IMMP2L: variants seen among roughly 807,000 people sequenced by gnomAD.
IMMP2L encodes inner mitochondrial membrane peptidase subunit 2.
In IMMP2L, 18 loss-of-function variants were observed where a neutral mutation model predicts 19.3. The observed-to-expected ratio is 0.93, with a 90% CI of 0.64 to 1.38. IMMP2L has a LOEUF of 1.38. Ranked by LOEUF, IMMP2L falls within the 40% of genes most tolerant of loss-of-function variation. The pLI, the probability that IMMP2L is intolerant of heterozygous loss-of-function variation, is 0.00. For missense variants in IMMP2L, 233 were observed against 218.2 expected (o/e 1.07, Z -0.43); for synonymous variants, 76 against 73.0 (o/e 1.04, Z -0.21).
chr7:111,190,512 C>T (rs968593285), intron 3 of IMMP2L, among the ~76,000 whole-genome samples: 1 of 151,988 alleles, frequency 6.6e-6, no homozygotes, highest in Non-Finnish European at 1.5e-5. Flanking sequence ...TATTTCACTC[C>T]GTTATGCACC....
chr7:111,317,513 G>C (rs1290795396), intron 3 of IMMP2L, among the ~76,000 whole-genome samples: 3 of 151,996 alleles, frequency 2.0e-5, no homozygotes, highest in Non-Finnish European at 4.4e-5. Flanking sequence ...GTATTTTGAA[G>C]ATATAATAAT....
intron 3 of IMMP2L, among the ~76,000 whole-genome samples, chr7:110,995,847 T>C (rs576632598): frequency 8.5e-5 from 13 of 152,160 alleles, no homozygotes; most frequent in Admixed American, 7.9e-4. Flanking sequence ...GTAATCCACC[T>C]GGGACACTAG....
At chr7:111,129,352 G>A (rs911324583) in intron 3 of IMMP2L, among the ~76,000 whole-genome samples, 3 of 151,284 alleles carry the variant, frequency 2.0e-5, no homozygotes, top group East Asian at 3.9e-4. Flanking sequence ...AGTTTCCCAC[G>A]ACATTATAGC....
At chr7:111,421,485 G>A (rs1269135757) in intron 3 of IMMP2L, among the ~76,000 whole-genome samples, 1 of 150,646 alleles carries the variant, frequency 6.6e-6, no homozygotes, top group Non-Finnish European at 1.5e-5. Flanking sequence ...TGTTAGCCAG[G>A]ATGGTCTCGA....
chr7:110,828,520 C>G (rs1461135470), intron 5 of IMMP2L, among the ~76,000 whole-genome samples: 1 of 152,136 alleles, frequency 6.6e-6, no homozygotes, highest in Non-Finnish European at 1.5e-5. Context: ...TCCAAAGAAT[C>G]ACTGCAGAGT....
intron 4 of IMMP2L, among the ~76,000 whole-genome samples, chr7:110,907,960 G>A (rs528662136): frequency 2.6e-5 from 4 of 152,088 alleles, no homozygotes; most frequent in Admixed American, 6.6e-5. Context: ...GCGACACAAC[G>A]GTCAGTACTT....
At chr7:110,771,811 T>C (rs1037100023) in intron 5 of IMMP2L, among the ~76,000 whole-genome samples, 9 of 152,140 alleles carry the variant, frequency 5.9e-5, no homozygotes, top group African/African-American at 2.2e-4. Context: ...AAAAACCCTA[T>C]GAGGTAAGTA....
At chr7:111,499,664 C>T (rs774621219) in intron 2 of IMMP2L, among the ~76,000 whole-genome samples, 4 of 152,162 alleles carry the variant, frequency 2.6e-5, no homozygotes, top group Non-Finnish European at 5.9e-5. Context: ...AGCTTAAAAT[C>T]CAGCAGCATG....
At chr7:111,048,606 C>T (rs2129572365) in intron 3 of IMMP2L, among the ~76,000 whole-genome samples, 1 of 152,160 alleles carries the variant, frequency 6.6e-6, no homozygotes, top group African/African-American at 2.4e-5. Context: ...CCACCATAGT[C>T]AATAAATATT....
intron 3 of IMMP2L, among the ~76,000 whole-genome samples, chr7:111,353,590 A>C (rs1828400902): frequency 6.6e-6 from 1 of 152,138 alleles, no homozygotes; most frequent in Non-Finnish European, 1.5e-5. Flanking sequence ...CTTAGAACTC[A>C]GAAAAAAGAA....
chr7:111,063,313 G>C (rs543777534), intron 3 of IMMP2L, among the ~76,000 whole-genome samples: 21 of 152,260 alleles, frequency 1.4e-4, no homozygotes, highest in African/African-American at 4.8e-4. Flanking sequence ...GAGCAGCTGG[G>C]ATGCAGGGCA....
chr7:111,112,209 C>T (rs1799319669), intron 3 of IMMP2L, among the ~76,000 whole-genome samples: 1 of 152,068 alleles, frequency 6.6e-6, no homozygotes, highest in African/African-American at 2.4e-5. Flanking sequence ...GTATATCCGC[C>T]TGACTTCGCC....
chr7:111,310,018 T>A (rs552023763), intron 3 of IMMP2L, among the ~76,000 whole-genome samples: 1 of 152,176 alleles, frequency 6.6e-6, no homozygotes, highest in Admixed American at 6.6e-5. Flanking sequence ...GTGGATCACC[T>A]GAGGTTAGGA....
chr7:110,972,715 C>A (rs1271802107), intron 3 of IMMP2L, among the ~76,000 whole-genome samples: 1 of 152,030 alleles, frequency 6.6e-6, no homozygotes, highest in African/African-American at 2.4e-5. Flanking sequence ...CTAGGGTAAA[C>A]CAAGCCAGAG....
intron 3 of IMMP2L, among the ~76,000 whole-genome samples, chr7:111,099,581 T>G (rs1221575867): frequency 6.6e-6 from 1 of 151,690 alleles, no homozygotes. Flanking sequence ...TTGACTGTCC[T>G]ACAAAACAAA....
chr7:111,060,637 A>G (rs1793933251), intron 3 of IMMP2L, among the ~76,000 whole-genome samples: 1 of 152,246 alleles, frequency 6.6e-6, no homozygotes, highest in African/African-American at 2.4e-5. Flanking sequence ...AATCTACAAG[A>G]TGGAGATAAT....
intron 3 of IMMP2L, among the ~76,000 whole-genome samples, chr7:111,357,977 A>G (rs780666548): frequency 2.0e-5 from 3 of 151,876 alleles, no homozygotes; most frequent in Non-Finnish European, 4.4e-5. Flanking sequence ...ACAGCAAGCC[A>G]AGGTTTTCAC....
chr7:110,847,221 T>A (rs947085953), intron 5 of IMMP2L, among the ~76,000 whole-genome samples: 1 of 152,166 alleles, frequency 6.6e-6, no homozygotes, highest in African/African-American at 2.4e-5. Flanking sequence ...TCAATAAGTT[T>A]TAGGAGTTCT....
At chr7:110,903,982 A>AT (rs58062442) in intron 4 of IMMP2L, among the ~76,000 whole-genome samples, 62 of 150,220 alleles carry the variant, frequency 4.1e-4, no homozygotes, top group Non-Finnish European at 6.4e-4. Flanking sequence ...GACATTAAGC[A>AT]TTTTTTTTTT....
Sources: allele counts gnomAD v4.1 joint callset (sites outside exome capture counted in the v4.1 genomes callset), GRCh38; gene constraint gnomAD v4.1.1; transcripts MANE v1.5; gene names NCBI Gene and HGNC (gene_info 2026-07-23, HGNC 2026-07-21).